Variants in DLGAP2 observed in about 807,000 individuals in gnomAD.
The protein encoded by DLGAP2 is disks large-associated protein 2.
DLGAP2 carries 26 observed loss-of-function variants against 100.3 expected under a neutral mutation model. The observed-to-expected ratio is 0.26, with a 90% CI of 0.19 to 0.36. DLGAP2 has a LOEUF of 0.36. Ranked by LOEUF, DLGAP2 falls within the 10% of genes least tolerant of loss-of-function variation. The pLI, the probability that DLGAP2 is intolerant of heterozygous loss-of-function variation, is 1.00. For missense variants in DLGAP2, 1,858 were observed against 1,453.2 expected, an observed-to-expected ratio of 1.28 and a Z score of -4.53; for synonymous variants, 886 against 630.1, an observed-to-expected ratio of 1.41 and a Z score of -6.08.
chr8:1,030,403 G>T (rs775736119), intron 2 of DLGAP2, among the ~76,000 whole-genome samples: 5 of 152,142 alleles, frequency 3.3e-5, no homozygotes, highest in Non-Finnish European at 7.3e-5. Context: ...AGGCTTTGAA[G>T]CTCCAAGGCC....
chr8:1,070,653 T>A (rs1391474049), intron 2 of DLGAP2, among the ~76,000 whole-genome samples: 1 of 152,124 alleles, frequency 6.6e-6, no homozygotes, highest in Non-Finnish European at 1.5e-5. Context: ...GTGTGTCTGT[T>A]CAGACACACA....
intron 3 of DLGAP2, among the ~76,000 whole-genome samples, chr8:1,367,918 C>T (rs1398174352): frequency 1.3e-5 from 2 of 152,208 alleles, no homozygotes; most frequent in Non-Finnish European, 2.9e-5. Flanking sequence ...CGAACAAGCT[C>T]AGTTGTTCCG....
At chr8:1,336,614 G>T (rs1241920693) in intron 3 of DLGAP2, among the ~76,000 whole-genome samples, 1 of 152,200 alleles carries the variant, frequency 6.6e-6, no homozygotes, top group African/African-American at 2.4e-5. Context: ...GACACCAGCA[G>T]CCTCTGTGGC....
At chr8:1,177,870 G>A (rs1387877456) in intron 2 of DLGAP2, among the ~76,000 whole-genome samples, 1 of 152,152 alleles carries the variant, frequency 6.6e-6, no homozygotes, top group Non-Finnish European at 1.5e-5. Context: ...TACCACCACT[G>A]TGGGGGCTCC....
rs144057255 is a variant in DLGAP2, at chr8:1,011,727, C to A, written c.73+103761C>A. On this transcript the variant is annotated intron_variant, in intron 2 of 14. Transcript: ENST00000637795. ...AGGAGTCTCAGTCTACACAGTGAGC[C>A]CTGGACGAGGGTCCTCAGTCTGCAC... 2.6e-3 allele frequency among the ~76,000 whole-genome samples: 400 copies of A among 151,590 alleles called. 3 individuals carry two copies. Among genetic ancestry groups the A allele is most frequent in the African/African-American group, 9.0e-3 (370 of 41,254 alleles).
At chr8:926,946 C>A in intron 2 of DLGAP2, 1 of 866,584 alleles carries the variant, frequency 1.2e-6, no homozygotes, top group Non-Finnish European at 1.4e-6. Flanking sequence ...TGCCTCTGCG[C>A]TGTGGGGGTG....
intron 2 of DLGAP2, among the ~76,000 whole-genome samples, chr8:1,062,772 T>C (rs1803125622): frequency 6.6e-6 from 1 of 152,096 alleles, no homozygotes; most frequent in African/African-American, 2.4e-5. Context: ...CCAGGGAGCA[T>C]CTTAATTGCC....
At chr8:1,249,247 G>C (rs943764345) in intron 2 of DLGAP2, among the ~76,000 whole-genome samples, 1 of 152,142 alleles carries the variant, frequency 6.6e-6, no homozygotes, top group Admixed American at 6.5e-5. Context: ...TTCAGAAGCA[G>C]AATGGCAGAC....
At chr8:1,547,418 G>T (rs139521254) in intron 4 of DLGAP2, among the ~76,000 whole-genome samples, 1 of 152,072 alleles carries the variant, frequency 6.6e-6, no homozygotes, top group Non-Finnish European at 1.5e-5. Flanking sequence ...GGAGGCAGGG[G>T]GAGAGGGAGA....
chr8:983,466 C>G (rs898816351), intron 2 of DLGAP2, among the ~76,000 whole-genome samples: 2 of 152,072 alleles, frequency 1.3e-5, no homozygotes, highest in Non-Finnish European at 2.9e-5. Flanking sequence ...TCTTCTATCC[C>G]TTAGAATCCA....
At chr8:1,433,753 T>TTTTG (rs1042364145) in intron 3 of DLGAP2, among the ~76,000 whole-genome samples, 1 of 151,284 alleles carries the variant, frequency 6.6e-6, no homozygotes, top group African/African-American at 2.4e-5. Context: ...TTTTTTTTTT[T>TTTTG]TTTGCTAGGA....
intron 3 of DLGAP2, among the ~76,000 whole-genome samples, chr8:1,459,847 G>T (rs533861402): frequency 2.0e-5 from 3 of 152,014 alleles, no homozygotes; most frequent in Admixed American, 2.0e-4. Flanking sequence ...CACCACGCCC[G>T]GCTAATTTTT....
Position 986,517 on chromosome 8 carries a change from A to G in DLGAP2, c.73+78551A>G, listed in dbSNP as rs76723465. ...TATAATTTCTTACTTAGAGTTAAAA[A>G]TTACAGCTAAAACAAAGTTTCTTCC... is the stretch of plus-strand genomic sequence containing the variant. On this transcript the variant is annotated intron_variant, in intron 2 of 14. Coordinates refer to ENST00000637795, the MANE Select transcript of DLGAP2 (RefSeq NM_001346810.2). 9.1e-3 allele frequency among the ~76,000 whole-genome samples: 1,381 copies of G among 152,284 alleles called. 21 individuals are homozygous for G. Among genetic ancestry groups the G allele is most frequent in the Middle Eastern group, 0.017 (5 of 294 alleles).
intron 11 of DLGAP2, 149 bp downstream of exon 11, chr8:1,676,767 C>CT (rs914908637): frequency 2.6e-6 from 2 of 766,804 alleles, no homozygotes; most frequent in African/African-American, 3.5e-5. Context: ...ATTGATAACC[C>CT]TCAAGTATGA....
chr8:824,578 TGTCCTGGCCCCA>T (rs1240293813), intron 1 of DLGAP2, among the ~76,000 whole-genome samples: 2 of 152,058 alleles, frequency 1.3e-5, no homozygotes, highest in Non-Finnish European at 2.9e-5. Flanking sequence ...GTGTTCCCCT[TGTCCTGGCCCCA>T]GTCCTGGCTC....
intron 3 of DLGAP2, among the ~76,000 whole-genome samples, chr8:1,464,252 G>C (rs73534673): frequency 2.1e-4 from 7 of 33,970 alleles, no homozygotes; most frequent in East Asian, 3.7e-3. Context: ...CTTCCAGGAC[G>C]GCTCCCTTCC....
rs140288474 is a variant in DLGAP2 at position 944,183 on chromosome 8, G to A, written c.73+36217G>A. On this transcript the variant is annotated intron_variant, in intron 2 of 14. Transcript: ENST00000637795. ...ATCCCTGTGGGGTGATCCAGTGGGC[G>A]GTAACCCGTCCCTGTGAGTGATTCA... is the stretch of plus-strand genomic sequence containing the variant. Among the ~76,000 whole-genome samples, 87 of 152,268 alleles carry A rather than the reference G, an allele frequency of 5.7e-4. 1 individual carries two copies. In the Middle Eastern group the frequency reaches 0.014, roughly 24 times the overall value.
intron 1 of DLGAP2, among the ~76,000 whole-genome samples, chr8:762,140 G>A (rs931920224): frequency 5.3e-5 from 8 of 152,248 alleles, no homozygotes; most frequent in Admixed American, 1.3e-4. Flanking sequence ...TCATGCTCAC[G>A]TCTAGAAAAA....
intron 1 of DLGAP2, among the ~76,000 whole-genome samples, chr8:764,047 A>C (rs968885302): frequency 6.6e-6 from 1 of 152,190 alleles, no homozygotes; most frequent in African/African-American, 2.4e-5. Flanking sequence ...GTATGTCTTA[A>C]GACTTCCTAA....
Sources: gnomAD v4.1 joint callset for allele counts (sites outside exome capture counted in the v4.1 genomes callset) on GRCh38, gnomAD v4.1.1 for gene constraint, MANE v1.5 for transcripts, NCBI Gene and HGNC (gene_info 2026-07-23, HGNC 2026-07-21) for gene names.